AGBL1: variants seen among roughly 807,000 people sequenced by gnomAD.
AGBL1 encodes AGBL carboxypeptidase 1, also known as cytosolic carboxypeptidase 4.
A neutral mutation model predicts 118.9 loss-of-function variants in AGBL1; 130 were observed. The observed-to-expected ratio is 1.09, with a 90% CI of 0.95 to 1.26. The LOEUF (loss-of-function observed/expected upper bound fraction) is 1.26, where lower values mean the gene tolerates loss of function less well. Among genes scored for constraint, AGBL1 ranks in the 50% most tolerant of loss-of-function variants. AGBL1 has a pLI of 0.00. For synonymous variants in AGBL1, 555 were observed against 478.9 expected, an observed-to-expected ratio of 1.16 and a Z score of -2.08; for missense variants, 1,584 against 1,298.1, an observed-to-expected ratio of 1.22 and a Z score of -3.38.
chr15:86,991,102 T>C (rs2081332446), intron 24 of AGBL1, among the ~76,000 whole-genome samples: 1 of 152,178 alleles, frequency 6.6e-6, no homozygotes, highest in African/African-American at 2.4e-5. Context: ...TAGTTTTTTA[T>C]AATAGACAAA....
chr15:86,440,257 G>C (rs2082046744), intron 18 of AGBL1, among the ~76,000 whole-genome samples: 1 of 151,944 alleles, frequency 6.6e-6, no homozygotes, highest in Admixed American at 6.6e-5. Context: ...GGGATGGGTA[G>C]AATAATTTAA....
At chr15:86,310,785 G>A (rs1226676795) in intron 17 of AGBL1, among the ~76,000 whole-genome samples, 3 of 152,176 alleles carry the variant, frequency 2.0e-5, no homozygotes, top group Admixed American at 2.0e-4. Context: ...AACTGAGAGT[G>A]CTAGCAAACT....
At chr15:86,223,905 G>A (rs1597582434) in intron 5 of AGBL1, among the ~76,000 whole-genome samples, 1 of 152,306 alleles carries the variant, frequency 6.6e-6, no homozygotes, top group East Asian at 1.9e-4. Flanking sequence ...TGACCAGGCA[G>A]AGGCCAGGGT....
At chr15:86,986,479 A>G (rs1011147152) in intron 23 of AGBL1, among the ~76,000 whole-genome samples, 6 of 152,130 alleles carry the variant, frequency 3.9e-5, no homozygotes, top group African/African-American at 1.4e-4. Context: ...ACTTGTAGTC[A>G]TTGTATAGCC....
At chr15:86,783,788 C>T (rs949058774) in intron 22 of AGBL1, among the ~76,000 whole-genome samples, 5 of 152,180 alleles carry the variant, frequency 3.3e-5, no homozygotes, top group African/African-American at 1.2e-4. Flanking sequence ...TGCCACCACA[C>T]CTGGCTAATT....
intron 6 of AGBL1, among the ~76,000 whole-genome samples, chr15:86,239,044 G>A (rs1490775139): frequency 6.6e-6 from 1 of 152,148 alleles, no homozygotes; most frequent in Non-Finnish European, 1.5e-5. Flanking sequence ...AGAAAGGTGT[G>A]GATTCTGAGG....
intron 17 of AGBL1, among the ~76,000 whole-genome samples, chr15:86,308,831 GT>G (rs1324230982): frequency 6.6e-6 from 1 of 152,142 alleles, no homozygotes; most frequent in African/African-American, 2.4e-5. Flanking sequence ...CAGCTTTGTA[GT>G]ATATTTTAAA....
intron 21 of AGBL1, among the ~76,000 whole-genome samples, chr15:86,659,648 C>T (rs1359042693): frequency 6.6e-6 from 1 of 152,212 alleles, no homozygotes; most frequent in East Asian, 1.9e-4. Context: ...AGGTTATGAA[C>T]CTGATCATAA....
intron 9 of AGBL1, among the ~76,000 whole-genome samples, chr15:86,258,481 G>A (rs1352658018): frequency 3.3e-5 from 5 of 152,144 alleles, no homozygotes; most frequent in Admixed American, 3.3e-4. Context: ...TTTCCCTTAA[G>A]TTGCACAGTG....
chr15:86,601,115 T>C (rs2084486177), intron 21 of AGBL1, among the ~76,000 whole-genome samples: 1 of 152,126 alleles, frequency 6.6e-6, no homozygotes, highest in African/African-American at 2.4e-5. Context: ...CAGACCCTTA[T>C]GGAGGGAACA....
At chr15:86,232,461 A>G (rs544763779) in intron 6 of AGBL1, among the ~76,000 whole-genome samples, 1 of 152,186 alleles carries the variant, frequency 6.6e-6, no homozygotes, top group Non-Finnish European at 1.5e-5. Flanking sequence ...ATTCCATACT[A>G]TCTGTGCTTC....
intron 22 of AGBL1, among the ~76,000 whole-genome samples, chr15:86,774,765 A>G (rs1416909080): frequency 6.6e-6 from 1 of 152,030 alleles, no homozygotes; most frequent in African/African-American, 2.4e-5. Flanking sequence ...AGGCCAGGAG[A>G]CACAAGCAGG....
intron 6 of AGBL1, among the ~76,000 whole-genome samples, chr15:86,235,920 A>C (rs2078533933): frequency 6.6e-6 from 1 of 152,204 alleles, no homozygotes; most frequent in Admixed American, 6.5e-5. Context: ...CACAATGAGT[A>C]ATATCAGCCC....
chr15:86,499,819 C>T (rs1316585767), intron 18 of AGBL1, among the ~76,000 whole-genome samples: 1 of 151,872 alleles, frequency 6.6e-6, no homozygotes, highest in Non-Finnish European at 1.5e-5. Context: ...GGTTAGCAGT[C>T]AGTAGACACA....
At chr15:86,716,628 C>A (rs2086643022) in intron 22 of AGBL1, among the ~76,000 whole-genome samples, 1 of 152,174 alleles carries the variant, frequency 6.6e-6, no homozygotes, top group African/African-American at 2.4e-5. Context: ...CAATACTCAG[C>A]TTTCAGATGT....
chr15:86,780,300 C>T lies in AGBL1; in HGVS notation c.3158+105864C>T, dbSNP rs1411632722. 3.3e-5 allele frequency among the ~76,000 whole-genome samples: 5 copies of T among 152,134 alleles called. No individual in the cohort carries two copies. In the East Asian group the frequency reaches 5.8e-4, roughly 18 times the overall value. ...TGACCATATGTTTCAGAAACTATCC[C>T]TGGATTCTTTTCTGTTCTACTGATT... is the stretch of plus-strand genomic sequence containing the variant. On this transcript the variant is annotated intron_variant, in intron 22 of 22. Transcript: ENST00000614907.
intron 6 of AGBL1, among the ~76,000 whole-genome samples, chr15:86,246,902 C>CT (rs60424977): frequency 0.35 from 53,326 of 151,950 alleles, 9,575 homozygotes; most frequent in South Asian, 0.51. Context: ...TGACAACCTC[C>CT]GGGTCCACTG....
chr15:86,456,661 C>T (rs1198254436), intron 18 of AGBL1, among the ~76,000 whole-genome samples: 1 of 152,142 alleles, frequency 6.6e-6, no homozygotes, highest in African/African-American at 2.4e-5. Context: ...CTGATAAAAG[C>T]TGCACATTGA....
intron 22 of AGBL1, among the ~76,000 whole-genome samples, chr15:86,875,715 G>A (rs569131373): frequency 6.6e-6 from 1 of 152,296 alleles, no homozygotes; most frequent in South Asian, 2.1e-4. Flanking sequence ...TAAAGATACA[G>A]ATTACAAAGG....
Sources: allele counts gnomAD v4.1 joint callset (sites outside exome capture counted in the v4.1 genomes callset), GRCh38; gene constraint gnomAD v4.1.1; transcripts MANE v1.5; gene names NCBI Gene and HGNC (gene_info 2026-07-23, HGNC 2026-07-21).